MALRD1: variants seen among roughly 807,000 people sequenced by gnomAD.
The protein encoded by MALRD1 is MAM and LDL-receptor class A domain-containing protein 1.
In MALRD1, 247 loss-of-function variants were observed where a neutral mutation model predicts 242.1. The ratio of observed to expected loss-of-function variants is 1.02; its 90% CI spans 0.92 to 1.13. The LOEUF (loss-of-function observed/expected upper bound fraction) is 1.13, where lower values mean the gene tolerates loss of function less well. Ranked by LOEUF, MALRD1 falls within the 50% of genes most tolerant of loss-of-function variation. MALRD1 has a pLI of 0.00. For synonymous variants in MALRD1, 995 were observed against 866.6 expected, an observed-to-expected ratio of 1.15 and a Z score of -2.60; for missense variants, 2,989 against 2,533.1, an observed-to-expected ratio of 1.18 and a Z score of -3.86.
chr10:19,558,488 A>G (rs1388119712), intron 32 of MALRD1, among the ~76,000 whole-genome samples: 7 of 152,204 alleles, frequency 4.6e-5, no homozygotes, highest in African/African-American at 1.7e-4. Context: ...ATGTATTGAT[A>G]TAATTATTTA....
chr10:19,631,625 C>T (rs1839909369), intron 36 of MALRD1, among the ~76,000 whole-genome samples: 1 of 152,130 alleles, frequency 6.6e-6, no homozygotes, highest in Non-Finnish European at 1.5e-5. Flanking sequence ...GTATAAGGTT[C>T]ATTTTTCTCC....
At chr10:19,297,811 G>A (rs1841776969) in intron 21 of MALRD1, among the ~76,000 whole-genome samples, 1 of 151,864 alleles carries the variant, frequency 6.6e-6, no homozygotes, top group African/African-American at 2.4e-5. Context: ...ACTGAAGAGA[G>A]AGGCTTCATA....
intron 26 of MALRD1, among the ~76,000 whole-genome samples, chr10:19,369,213 TATTA>T (rs895320420): frequency 2.5e-4 from 36 of 146,258 alleles, no homozygotes; most frequent in African/African-American, 6.7e-4. Context: ...TAAATTTGAA[TATTA>T]ATTCTTGTAT....
At chr10:19,425,090 A>T (rs183745980) in intron 28 of MALRD1, among the ~76,000 whole-genome samples, 2 of 152,340 alleles carry the variant, frequency 1.3e-5, no homozygotes, top group African/African-American at 4.8e-5. Flanking sequence ...GATCATTAAA[A>T]AGTGCTTGGG....
At chr10:19,375,523 G>A (rs1564605448) in intron 26 of MALRD1, among the ~76,000 whole-genome samples, 1 of 152,064 alleles carries the variant, frequency 6.6e-6, no homozygotes, top group Non-Finnish European at 1.5e-5. Flanking sequence ...CCCTGGATAA[G>A]GACACACATC....
chr10:19,521,929 T>A (rs192548709), intron 31 of MALRD1, among the ~76,000 whole-genome samples: 1 of 151,994 alleles, frequency 6.6e-6, no homozygotes, highest in East Asian at 1.9e-4. Context: ...CAATTTCAAA[T>A]TCTGTCAGCT....
intron 13 of MALRD1, among the ~76,000 whole-genome samples, chr10:19,174,916 A>T (rs1211644198): frequency 2.0e-5 from 3 of 152,162 alleles, no homozygotes; most frequent in Non-Finnish European, 4.4e-5. Context: ...AGCTCATTAT[A>T]AATGCATATG....
chr10:19,364,277 C>T (rs1030754860), intron 26 of MALRD1, among the ~76,000 whole-genome samples: 1 of 152,212 alleles, frequency 6.6e-6, no homozygotes, highest in Non-Finnish European at 1.5e-5. Context: ...AAATTTATTA[C>T]TTGATATGCT....
chr10:19,086,880 G>C (rs1835686215), intron 2 of MALRD1, among the ~76,000 whole-genome samples: 1 of 151,996 alleles, frequency 6.6e-6, no homozygotes, highest in African/African-American at 2.4e-5. Flanking sequence ...ATCTGAGAGG[G>C]AGAGTTTTGT....
At position 19,312,069 on chromosome 10, in the gene MALRD1, A is replaced by G. The variant is rs576215271; in HGVS notation, c.3420-11880A>G. Among the ~76,000 whole-genome samples the G allele has an allele frequency of 7.3e-5, 11 of 151,496 alleles. No individual in the cohort carries two copies. In the South Asian group the frequency reaches 2.1e-3, roughly 29 times the overall value. ...TGCTGATGAGCAAAGCTGTAGGGCA[A>G]TGTAAAGGTCAAAGAATGATAATTC... On this transcript the variant is annotated intron_variant, in intron 21 of 39. Transcript: ENST00000454679.
At chr10:19,370,865 C>T (rs1017056804) in intron 26 of MALRD1, among the ~76,000 whole-genome samples, 18 of 152,154 alleles carry the variant, frequency 1.2e-4, no homozygotes, top group Admixed American at 7.9e-4. Context: ...GCATGAGCCA[C>T]TGCACCAGGC....
intron 18 of MALRD1, among the ~76,000 whole-genome samples, chr10:19,248,431 A>G (rs990527683): frequency 2.6e-5 from 4 of 151,804 alleles, no homozygotes; most frequent in South Asian, 4.1e-4. Context: ...AGAAAATGTT[A>G]TATTATTAGT....
rs564521157 is a variant in MALRD1 at position 19,095,957 on chromosome 10, T to A, written c.597+7772T>A. Among the ~76,000 whole-genome samples, 15 of 152,298 alleles carry A rather than the reference T, an allele frequency of 9.8e-5. No individual in the cohort carries two copies. In the South Asian group the frequency reaches 3.1e-3, roughly 32 times the overall value. On this transcript the variant is annotated intron_variant, in intron 4 of 39. Transcript: ENST00000454679. ...TCTTGCAGATATTTAATAAGTGAGATGAGAATCTTATCTATGGGTCCACTC... is the reference window on the plus strand; with the variant it reads ...TCTTGCAGATATTTAATAAGTGAGAAGAGAATCTTATCTATGGGTCCACTC...
At chr10:19,537,104 G>T (rs1834721836) in intron 32 of MALRD1, among the ~76,000 whole-genome samples, 1 of 152,196 alleles carries the variant, frequency 6.6e-6, no homozygotes, top group Non-Finnish European at 1.5e-5. Flanking sequence ...GGATAAATAA[G>T]ATTGAAGATG....
chr10:19,124,684 T>G lies in MALRD1; in HGVS notation c.943+14T>G, dbSNP rs1005408250. On this transcript the variant is annotated intron_variant, in intron 7 of 39. Transcript: ENST00000454679. ...GTGATGATGAAGGTAGAAAAAAAAA[T>G]AATATCTTTTATGTATTACTTTCAG... 8.1e-7 allele frequency: 1 copy of G among 1,232,312 alleles called. No homozygotes were observed. The highest frequency in any genetic ancestry group is 1.6e-5 in the African/African-American group (1 of 64,404). 76.3% of individuals were successfully genotyped at this position (1,232,312 alleles called of 1,614,324 possible). A position where few individuals can be genotyped will look rare whatever the true frequency, so the allele number is the denominator to read the frequency against.
chr10:19,376,754 T>A (rs527794943), intron 26 of MALRD1, among the ~76,000 whole-genome samples: 1 of 151,750 alleles, frequency 6.6e-6, no homozygotes, highest in Non-Finnish European at 1.5e-5. Flanking sequence ...GGTTTCCCCA[T>A]CTTTATTAGA....
chr10:19,155,258 T>C (rs1834101106), intron 12 of MALRD1, 86 bp downstream of exon 12: 3 of 589,984 alleles, frequency 5.1e-6, no homozygotes, highest in Non-Finnish European at 7.5e-6. Context: ...TTGCCCGCCA[T>C]GTTTTACTAG....
chr10:19,190,731 G>C (rs1328440603), intron 14 of MALRD1, among the ~76,000 whole-genome samples: 1 of 150,514 alleles, frequency 6.6e-6, no homozygotes, highest in Non-Finnish European at 1.5e-5. Flanking sequence ...AATACATGCT[G>C]CTGGGAAAAC....
chr10:19,532,592 C>T (rs1045787912), intron 32 of MALRD1, among the ~76,000 whole-genome samples: 3 of 152,058 alleles, frequency 2.0e-5, no homozygotes, highest in Admixed American at 6.6e-5. Flanking sequence ...TTTTGTTTCT[C>T]AGATTCTCTG....
Sources: gnomAD v4.1 joint callset for allele counts (sites outside exome capture counted in the v4.1 genomes callset) on GRCh38, gnomAD v4.1.1 for gene constraint, MANE v1.5 for transcripts, NCBI Gene and HGNC (gene_info 2026-07-23, HGNC 2026-07-21) for gene names.